Variants in TMPRSS9 observed in about 807,000 individuals in gnomAD.
TMPRSS9 encodes transmembrane protease serine 9.
In TMPRSS9, 113 loss-of-function variants were observed where a neutral mutation model predicts 111.4. The observed-to-expected ratio is 1.01, with a 90% CI of 0.87 to 1.19. The LOEUF is 1.19. Among genes scored for constraint, TMPRSS9 ranks in the 50% most tolerant of loss-of-function variants. The pLI is 0.00. For synonymous variants in TMPRSS9, 805 were observed against 659.1 expected (o/e 1.22, Z -3.39); for missense variants, 1,803 against 1,513.1 (o/e 1.19, Z -3.18).
exon 11 of TMPRSS9, chr19:2,415,819 T>G (rs1217254683): frequency 1.2e-6 from 2 of 1,600,054 alleles, no homozygotes; most frequent in Non-Finnish European, 1.7e-6. Context: ...CTGGCTGCTG[T>G]CTGCCGCCCA....
intron 15 of TMPRSS9, 111 bp from the exon 17 acceptor site, chr19:2,424,891 A>C: frequency 1.5e-6 from 2 of 1,294,016 alleles, no homozygotes; most frequent in South Asian, 3.6e-5. Context: ...CCAGAGACCA[A>C]GAGGCCAATA....
At chr19:2,398,697 C>T (rs1047696519) in intron 2 of TMPRSS9, 98 bp from the exon 4 acceptor site, 7 of 733,368 alleles carry the variant, frequency 9.5e-6, no homozygotes, top group Non-Finnish European at 1.4e-5. Context: ...ATGGAACCAA[C>T]CCCTTCTCCA....
chr19:2,414,620 C>T (rs1184519621), intron 10 of TMPRSS9, among the ~76,000 whole-genome samples: 3 of 151,764 alleles, frequency 2.0e-5, no homozygotes, highest in African/African-American at 7.3e-5. Flanking sequence ...TCGTGCCTGT[C>T]ATCGCACACT....
chr19:2,425,218 G>T (rs771136337), exon 16 of TMPRSS9: 2 of 1,479,984 alleles, frequency 1.4e-6, no homozygotes, highest in African/African-American at 1.5e-5. Context: ...CGCGACCCCC[G>T]GACGGCACGC....
intron 1 of TMPRSS9, among the ~76,000 whole-genome samples, chr19:2,395,543 A>G (rs375853257): frequency 6.6e-6 from 1 of 152,024 alleles, no homozygotes; most frequent in Non-Finnish European, 1.5e-5. Flanking sequence ...CCTGGCCAAC[A>G]TGGAGAAACC....
At chr19:2,399,693 T>G (rs2145316443) in intron 4 of TMPRSS9, among the ~76,000 whole-genome samples, 1 of 152,202 alleles carries the variant, frequency 6.6e-6, no homozygotes, top group South Asian at 2.1e-4. Context: ...TGTTGTGTTG[T>G]CTTGTCTTGT....
Position 2,390,369 on chromosome 19 carries a change from G to A in TMPRSS9, c.142+442G>A, listed in dbSNP as rs143814149. ...ACCGTTCTCCTGTGTCAGCCTCCCC[G>A]AGTAGCTGGGACTACAGGCGCCCGC... is the stretch of plus-strand genomic sequence containing the variant. On this transcript the variant is annotated intron_variant, in intron 1 of 17. Transcript: ENST00000648592. Among the ~76,000 whole-genome samples the A allele has an allele frequency of 7.0e-3, 1,034 of 148,138 alleles. 16 individuals carry two copies. The highest frequency in any genetic ancestry group is 0.024 in the African/African-American group (971 of 40,250).
chr19:2,365,136 A>G (rs1182093708), intron 1 of TMPRSS9, among the ~76,000 whole-genome samples: 1 of 152,050 alleles, frequency 6.6e-6, no homozygotes, highest in Non-Finnish European at 1.5e-5. Flanking sequence ...TTGGAAGGTT[A>G]TTTTTTAATC....
chr19:2,382,860 T>C (rs765403981), intron 1 of TMPRSS9, among the ~76,000 whole-genome samples: 3 of 152,110 alleles, frequency 2.0e-5, no homozygotes, highest in Non-Finnish European at 4.4e-5. Flanking sequence ...CTCATACCAT[T>C]GAGGGGCTGC....
rs879640376 is a variant in TMPRSS9, at chr19:2,382,414, G to A, written c.-25-7347G>A. Among the ~76,000 whole-genome samples, 14 of 152,314 alleles carry A rather than the reference G, an allele frequency of 9.2e-5. No individual in the cohort carries two copies. The East Asian group carries it at 2.7e-3, about 29-fold the overall frequency. On this transcript the variant is annotated intron_variant, in intron 1 of 17. Transcript: ENST00000649857. ...CCCAAAGTGCTGGGATTACAGGCGT[G>A]AGCCACCGCGCCCGGTCAAAACATT...
At chr19:2,415,298 A>G (rs1412225498) in intron 10 of TMPRSS9, among the ~76,000 whole-genome samples, 1 of 152,026 alleles carries the variant, frequency 6.6e-6, no homozygotes, top group Non-Finnish European at 1.5e-5. Flanking sequence ...ACCCCCTAAC[A>G]ATCGTACCCT....
intron 8 of TMPRSS9, among the ~76,000 whole-genome samples, chr19:2,408,968 G>T (rs118097327): frequency 0.027 from 3,879 of 145,118 alleles, 66 homozygotes; most frequent in Non-Finnish European, 0.042. Flanking sequence ...CAGCCTGGGT[G>T]ACAGTGGGAG....
At chr19:2,395,810 AT>A (rs1970694008) in intron 1 of TMPRSS9, among the ~76,000 whole-genome samples, 1 of 152,166 alleles carries the variant, frequency 6.6e-6, no homozygotes, top group Non-Finnish European at 1.5e-5. Flanking sequence ...GATAGAGACC[AT>A]CCTGGCTAAC....
chr19:2,398,956 C>A (rs1022405670), intron 3 of TMPRSS9, 62 bp from the exon 5 acceptor site: 1 of 1,557,456 alleles, frequency 6.4e-7, no homozygotes. Flanking sequence ...CTAGAAGATT[C>A]CAGAAGATTC....
intron 17 of TMPRSS9, 43 bp downstream of exon 18, chr19:2,425,536 G>A (rs2145430718): frequency 1.3e-6 from 2 of 1,484,064 alleles, no homozygotes; most frequent in Non-Finnish European, 8.9e-7. Context: ...CCGCCCAGCC[G>A]CCGGGGAGGG....
intron 1 of TMPRSS9, among the ~76,000 whole-genome samples, chr19:2,379,663 T>TTCTTTCTTTCTTTCTTTCTC (rs1970369758): frequency 1.3e-5 from 2 of 149,520 alleles, no homozygotes; most frequent in African/African-American, 5.0e-5. Context: ...CTTTCTTTCT[T>TTCTTTCTTTCTTTCTTTCTC]TCTTTCTTTC....
At chr19:2,391,012 CAAGA>C (rs202241101) in intron 1 of TMPRSS9, among the ~76,000 whole-genome samples, 38 of 125,020 alleles carry the variant, frequency 3.0e-4, no homozygotes, top group Middle Eastern at 4.0e-3. Context: ...ACTAAAAATA[CAAGA>C]AAGAAAGAAA....
chr19:2,401,817 A>G (rs1970854683), intron 4 of TMPRSS9, among the ~76,000 whole-genome samples, 158 bp from the exon 6 acceptor site: 1 of 151,546 alleles, frequency 6.6e-6, no homozygotes, highest in Admixed American at 6.6e-5. Context: ...CATGTTGGCC[A>G]GGCTGGTCTG....
chr19:2,362,849 TGTG>T (rs765343895), intron 1 of TMPRSS9, among the ~76,000 whole-genome samples: 208 of 151,542 alleles, frequency 1.4e-3, no homozygotes, highest in African/African-American at 2.8e-3. Context: ...TGTGTGTGGT[TGTG>T]GTGTGTGGTT....
Sources: gnomAD v4.1 joint callset for allele counts (sites outside exome capture counted in the v4.1 genomes callset) on GRCh38, gnomAD v4.1.1 for gene constraint, MANE v1.5 for transcripts, NCBI Gene and HGNC (gene_info 2026-07-23, HGNC 2026-07-21) for gene names.